Variants in FOSL1 observed in about 807,000 individuals in gnomAD.
The protein encoded by FOSL1 is fos-related antigen 1.
A neutral mutation model predicts 24.9 loss-of-function variants in FOSL1; 14 were observed. The ratio of observed to expected loss-of-function variants is 0.56; its 90% confidence interval spans 0.37 to 0.88. The LOEUF is 0.88. Ranked by LOEUF, FOSL1 falls within the 40% of genes least tolerant of loss-of-function variation. FOSL1 has a pLI of 0.00. For synonymous variants in FOSL1, 133 were observed against 145.1 expected (o/e 0.92, Z 0.60); for missense variants, 318 against 359.8 (o/e 0.88, Z 0.94).
intron 2 of FOSL1, among the ~76,000 whole-genome samples, chr11:65,894,648 GATTTT>G (rs950966688): frequency 2.8e-4 from 42 of 152,100 alleles, no homozygotes; most frequent in African/African-American, 9.4e-4. Context: ...AACATGCAAA[GATTTT>G]ATTTTATTTT....
chr11:65,897,336 CT>C (rs1402783388), intron 1 of FOSL1, among the ~76,000 whole-genome samples: 40 of 147,124 alleles, frequency 2.7e-4, no homozygotes, highest in African/African-American at 9.3e-4. Flanking sequence ...TCTTTTCTTT[CT>C]TTTTTTTCTT....
intron 1 of FOSL1, among the ~76,000 whole-genome samples, chr11:65,897,777 T>G (rs932280137): frequency 6.6e-5 from 10 of 151,816 alleles, no homozygotes; most frequent in African/African-American, 2.4e-4. Flanking sequence ...GGGGAGGCTG[T>G]GAGAATCAGG....
At chr11:65,899,922 C>G (rs1860629656) in intron 1 of FOSL1, among the ~76,000 whole-genome samples, 1 of 152,222 alleles carries the variant, frequency 6.6e-6, no homozygotes, top group Non-Finnish European at 1.5e-5. Context: ...ACCCTAGGCG[C>G]CCACGCCCCT....
chr11:65,896,199 G>C (rs1413985092), intron 2 of FOSL1, among the ~76,000 whole-genome samples: 1 of 152,118 alleles, frequency 6.6e-6, no homozygotes, highest in Admixed American at 6.5e-5. Context: ...CTTTAGAGTT[G>C]TATAGACCTG....
intron 1 of FOSL1, among the ~76,000 whole-genome samples, chr11:65,898,704 T>C (rs1157000677): frequency 6.6e-6 from 1 of 152,176 alleles, no homozygotes; most frequent in Admixed American, 6.5e-5. Context: ...TGGTGGCTCA[T>C]ACCCAGCACT....
chr11:65,896,746 G>A (rs571532302), intron 2 of FOSL1, 63 bp downstream of exon 2: 2 of 1,351,944 alleles, frequency 1.5e-6, no homozygotes, highest in Admixed American at 2.2e-5. Flanking sequence ...TCTGGCAGGA[G>A]CTTCTCTGCA....
At position 65,893,088 on chromosome 11, in the gene FOSL1, G is replaced by A. The variant is rs766770123; in HGVS notation, c.614C>T (p.Ser205Phe). 1 of 1,612,540 alleles carries A rather than the reference G, an allele frequency of 6.2e-7. No homozygotes were observed. The highest frequency in any genetic ancestry group is 1.1e-5 in the South Asian group (1 of 91,004). The change falls in exon 4 of 4, where the codon TCC (serine) becomes TTC (phenylalanine). Residue 205 changes from serine (S) to phenylalanine (F), a missense_variant. By Grantham distance (155) the Ser-to-Phe change is radical (BLOSUM62 -2). Coordinates refer to ENST00000312562, the MANE Select transcript of FOSL1 (RefSeq NM_005438.5). ...CTCAGGTTCAAGCACAGGCCCTGGG[G>A]AAAGGGAGATACAAGGTACAGGGCG... Reference protein sequence around the residue: ...PCRPVPCISLSPGPVLEPEAL... With the variant: ...PCRPVPCISLFPGPVLEPEAL...
intron 2 of FOSL1, among the ~76,000 whole-genome samples, chr11:65,895,628 G>A (rs934065778): frequency 1.4e-4 from 21 of 152,166 alleles, no homozygotes; most frequent in African/African-American, 3.6e-4. Flanking sequence ...CAGGATCAAA[G>A]GGTCACCCTC....
In FOSL1 at chr11:65,892,925, G is replaced by T; in HGVS notation, c.777C>A (p.Ser259=). The stretch of plus-strand genomic sequence containing the variant: ...GGGTTGGAGAGCCAAGGGGGTCAGA[G>T]GATGGGTCTCCGCTGCTGCTGCTAC... ...RKSSSSSGDP[S]SDPLGSPTLL... is the part of the protein sequence containing the mutation. The change falls in exon 4 of 4, where the codon TCC becomes TCA. Residue 259 remains serine (S), a synonymous_variant. Transcript: ENST00000312562. 1 of 1,612,330 alleles carries T rather than the reference G, an allele frequency of 6.2e-7. No individual in the cohort carries two copies. Among genetic ancestry groups the T allele is most frequent in the Non-Finnish European group, 8.5e-7 (1 of 1,180,018 alleles).
upstream of FOSL1, chr11:65,900,436 G>T: frequency 2.9e-6 from 2 of 697,798 alleles, no homozygotes; most frequent in Non-Finnish European, 4.0e-6. Flanking sequence ...AAAGTTCTCG[G>T]GCTGAACCAC....
rs530962033 is a variant in FOSL1 at position 65,900,283 on chromosome 11, G to T, written c.57C>A (p.Gly19=). ...GPSSGNGGGY[G]GPAQPPAAAQ... Reference sequence around the variant, plus strand: ...CTGCGGCCGGGGGCTGCGCGGGGCCGCCGTACCCGCCGCCGTTCCCGGAGC... The same window carrying T: ...CTGCGGCCGGGGGCTGCGCGGGGCCTCCGTACCCGCCGCCGTTCCCGGAGC... Residue 19 remains glycine, a synonymous_variant, in exon 1 of 4, where the codon GGC becomes GGA. Transcript: ENST00000312562. 1.7e-5 allele frequency: 21 copies of T among 1,244,700 alleles called. No individual in the cohort carries two copies. The allele number at this position is 1,244,700 out of a possible 1,614,324, so 77.1% of individuals were successfully genotyped here.
At chr11:65,893,980 C>T (rs904358634) in intron 3 of FOSL1, 34 bp downstream of exon 3, 12 of 1,443,558 alleles carry the variant, frequency 8.3e-6, no homozygotes, top group African/African-American at 2.8e-5. Context: ...AGACAGGGTC[C>T]CTCTGAGCTC....
At chr11:65,900,455 C>T (rs1347225090), upstream of FOSL1, 6 of 523,862 alleles carry the variant, frequency 1.1e-5, no homozygotes, top group African/African-American at 1.9e-5. Flanking sequence ...ACTGCGACCG[C>T]GGGGGGTGGG....
intron 1 of FOSL1, among the ~76,000 whole-genome samples, chr11:65,898,045 G>GTTTTTTGTTTT (rs1860574580): frequency 9.8e-6 from 1 of 101,838 alleles, no homozygotes; most frequent in African/African-American, 4.1e-5. Context: ...TTTCTTTTCT[G>GTTTTTTGTTTT]TTTTTTTTTT....
chr11:65,894,190 GC>G, intron 2 of FOSL1, 69 bp from the exon 3 acceptor site: 2 of 1,168,268 alleles, frequency 1.7e-6, no homozygotes, highest in Non-Finnish European at 2.5e-6. Flanking sequence ...CCTCATGGTG[GC>G]CCAGTGGTAG....
chr11:65,893,087 G>A lies in FOSL1; in HGVS notation c.615C>T (p.Ser205=), dbSNP rs760977276. ...PCRPVPCISL[S]PGPVLEPEAL... Reference sequence around the variant, plus strand: ...CCTCAGGTTCAAGCACAGGCCCTGGGGAAAGGGAGATACAAGGTACAGGGC... The same window carrying A: ...CCTCAGGTTCAAGCACAGGCCCTGGAGAAAGGGAGATACAAGGTACAGGGC... The change falls in exon 4 of 4, where the codon TCC becomes TCT. Residue 205 remains serine, a synonymous_variant. Transcript: ENST00000312562. 2.0e-5 allele frequency: 33 copies of A among 1,612,574 alleles called. No homozygotes were observed. In the South Asian group the frequency reaches 3.1e-4, roughly 15 times the overall value.
In FOSL1 at chr11:65,892,950, C is replaced by T. The variant is rs751940389; in HGVS notation, c.752G>A (p.Ser251Asn). ...PEPCASAHRKSSSSSGDPSSD... is the reference protein window; with the variant it reads ...PEPCASAHRKNSSSSGDPSSD... ...GGATGGGTCTCCGCTGCTGCTGCTA[C>T]TCTTGCGATGAGCTGAGGCACAAGG... Residue 251 changes from serine (S) to asparagine (N), a missense_variant, in exon 4 of 4, where the codon AGT (serine) becomes AAT (asparagine). Coordinates refer to ENST00000312562, the MANE Select transcript of FOSL1 (RefSeq NM_005438.5). 1 of 1,612,620 alleles carries T rather than the reference C, an allele frequency of 6.2e-7. No individual in the cohort carries two copies.
At chr11:65,900,458 G>T, upstream of FOSL1, 1 of 507,392 alleles carries the variant, frequency 2.0e-6, no homozygotes, top group Non-Finnish European at 3.1e-6. Context: ...GCGACCGCGG[G>T]GGGTGGGGGC....
Position 65,900,235 on chromosome 11 carries a change from A to G in FOSL1, c.99+6T>C, listed in dbSNP as rs561959251. 5.9e-5 allele frequency: 73 copies of G among 1,228,586 alleles called. No individual in the cohort carries two copies. The African/African-American group carries it at 1.1e-3, about 18-fold the overall frequency. 76.1% of individuals were successfully genotyped at this position (1,228,586 alleles called of 1,614,324 possible). A position where few individuals can be genotyped will look rare whatever the true frequency, so the allele number is the denominator to read the frequency against. On this transcript the variant is annotated splice_donor_region_variant and intron_variant, in intron 1 of 3. Coordinates refer to ENST00000312562, the MANE Select transcript of FOSL1 (RefSeq NM_005438.5). Reference sequence around the variant, plus strand: ...CGTGGGACCACCGGCGTCGGGCCCCACTCACCTGCTGGGCTGCCTGCGCTG... The same window carrying G: ...CGTGGGACCACCGGCGTCGGGCCCCGCTCACCTGCTGGGCTGCCTGCGCTG...
Sources: gnomAD v4.1 joint callset for allele counts (sites outside exome capture counted in the v4.1 genomes callset) on GRCh38, gnomAD v4.1.1 for gene constraint, MANE v1.5 for transcripts, NCBI Gene and HGNC (gene_info 2026-07-23, HGNC 2026-07-21) for gene names.